The following ANKS1B variants were observed in gnomAD, a reference collection of about 807,000 sequenced individuals.
ANKS1B encodes the protein ankyrin repeat and sterile alpha motif domain-containing protein 1B.
ANKS1B carries 36 observed loss-of-function variants against 148.3 expected under a neutral mutation model. The observed-to-expected ratio is 0.24, with a 90% CI of 0.19 to 0.32. ANKS1B has a LOEUF of 0.32. Among genes scored for constraint, ANKS1B ranks in the 10% least tolerant of loss-of-function variants. ANKS1B has a pLI of 1.00. For synonymous variants in ANKS1B, 542 were observed against 560.8 expected (o/e 0.97, Z 0.47); for missense variants, 1,157 against 1,542.6 (o/e 0.75, Z 4.19).
intron 8 of ANKS1B, among the ~76,000 whole-genome samples, chr12:99,696,268 A>G (rs909560285): frequency 6.6e-6 from 1 of 152,204 alleles, no homozygotes; most frequent in Non-Finnish European, 1.5e-5. Context: ...GAGTCATTTT[A>G]TGGAGTCTAC....
At chr12:99,268,523 C>CCA (rs2076691595) in intron 12 of ANKS1B, among the ~76,000 whole-genome samples, 2 of 152,112 alleles carry the variant, frequency 1.3e-5, no homozygotes, top group African/African-American at 4.8e-5. Flanking sequence ...TCTATGAGGG[C>CCA]CACAACACAG....
chr12:98,907,285 T>C lies in ANKS1B; in HGVS notation c.2779-75149A>G, dbSNP rs577722981. On this transcript the variant is annotated intron_variant, in intron 17 of 26. Transcript: ENST00000683438. ...GGTTTAATTCTCTGCAGTCACAGTC[T>C]TGTAATTCCAAATAACTTTAACTTG... 5.3e-5 allele frequency among the ~76,000 whole-genome samples: 8 copies of C among 152,308 alleles called. No homozygotes were observed. The East Asian group carries it at 1.5e-3, about 29-fold the overall frequency.
chr12:99,173,753 T>C (rs1475878610), intron 14 of ANKS1B, among the ~76,000 whole-genome samples: 2 of 152,190 alleles, frequency 1.3e-5, no homozygotes, highest in Non-Finnish European at 1.5e-5. Context: ...TGGACAGTTA[T>C]ATTCACCACC....
intron 8 of ANKS1B, among the ~76,000 whole-genome samples, chr12:99,759,467 A>G (rs1268193466): frequency 2.6e-5 from 4 of 151,966 alleles, no homozygotes; most frequent in Non-Finnish European, 5.9e-5. Context: ...CAATTTCAGC[A>G]ATTTTTTCTG....
At chr12:99,532,711 T>A in intron 9 of ANKS1B, among the ~76,000 whole-genome samples, 1 of 152,198 alleles carries the variant, frequency 6.6e-6, no homozygotes, top group East Asian at 1.9e-4. Flanking sequence ...TGGTGAGAGA[T>A]AGGAATCCAG....
At chr12:99,762,666 C>T (rs1398144039) in intron 8 of ANKS1B, among the ~76,000 whole-genome samples, 2 of 151,770 alleles carry the variant, frequency 1.3e-5, no homozygotes, top group African/African-American at 2.4e-5. Context: ...GCAACAAAAA[C>T]AAAAATTGAC....
intron 15 of ANKS1B, among the ~76,000 whole-genome samples, chr12:99,124,501 G>A (rs755956639): frequency 2.0e-5 from 3 of 151,660 alleles, no homozygotes; most frequent in Non-Finnish European, 2.9e-5. Context: ...ACATCTAAGT[G>A]GATACTTTCA....
At chr12:98,894,066 T>C (rs2099758284) in intron 17 of ANKS1B, among the ~76,000 whole-genome samples, 1 of 152,172 alleles carries the variant, frequency 6.6e-6, no homozygotes, top group Admixed American at 6.5e-5. Context: ...GCTCCTGCTC[T>C]CCAAGGCTTA....
At chr12:99,826,823 G>A (rs895028053) in intron 1 of ANKS1B, among the ~76,000 whole-genome samples, 11 of 152,034 alleles carry the variant, frequency 7.2e-5, no homozygotes, top group Non-Finnish European at 1.5e-4. Flanking sequence ...GAAAATCAAA[G>A]TTGTATGCCA....
At chr12:99,639,930 G>T (rs1383094268) in intron 9 of ANKS1B, among the ~76,000 whole-genome samples, 2 of 152,144 alleles carry the variant, frequency 1.3e-5, no homozygotes, top group Non-Finnish European at 2.9e-5. Context: ...CCAGCACTTT[G>T]GTAGGCCAAG....
chr12:99,848,804 T>C (rs1335479030), intron 1 of ANKS1B, among the ~76,000 whole-genome samples: 1 of 150,958 alleles, frequency 6.6e-6, no homozygotes, highest in African/African-American at 2.5e-5. Flanking sequence ...GCAACGTCAA[T>C]GGTGGATTGC....
chr12:99,674,518 G>T (rs928299384), intron 8 of ANKS1B, among the ~76,000 whole-genome samples: 1 of 151,716 alleles, frequency 6.6e-6, no homozygotes, highest in Non-Finnish European at 1.5e-5. Context: ...CAGGACTTGT[G>T]CAAGAATAAT....
At chr12:99,723,913 G>T (rs542152133) in intron 8 of ANKS1B, among the ~76,000 whole-genome samples, 2 of 152,124 alleles carry the variant, frequency 1.3e-5, no homozygotes, top group East Asian at 3.9e-4. Context: ...CAGAAGAGGG[G>T]CCTGACCATT....
chr12:98,890,148 A>C (rs2099749304), intron 17 of ANKS1B, among the ~76,000 whole-genome samples: 1 of 152,136 alleles, frequency 6.6e-6, no homozygotes, highest in African/African-American at 2.4e-5. Flanking sequence ...AAATGGAGGG[A>C]GGGCCAGTTT....
chr12:99,254,274 A>G (rs185941319), intron 12 of ANKS1B, among the ~76,000 whole-genome samples: 3 of 152,354 alleles, frequency 2.0e-5, no homozygotes, highest in Non-Finnish European at 2.9e-5. Flanking sequence ...AGTAGTTATC[A>G]AAGTGTAGTC....
chr12:99,259,676 T>G (rs1173113125), intron 12 of ANKS1B, among the ~76,000 whole-genome samples: 1 of 152,224 alleles, frequency 6.6e-6, no homozygotes, highest in Non-Finnish European at 1.5e-5. Flanking sequence ...TATTGTATCT[T>G]TTTGGTAGAG....
chr12:99,109,413 G>C (rs1182190698), intron 15 of ANKS1B, among the ~76,000 whole-genome samples: 1 of 152,144 alleles, frequency 6.6e-6, no homozygotes, highest in Non-Finnish European at 1.5e-5. Flanking sequence ...GGCAGAACAG[G>C]ACATGGGCTT....
At chr12:99,771,548 T>C (rs1472319906) in intron 8 of ANKS1B, among the ~76,000 whole-genome samples, 1 of 152,072 alleles carries the variant, frequency 6.6e-6, no homozygotes, top group Non-Finnish European at 1.5e-5. Context: ...TGTAACTGAT[T>C]GGTAACCTGG....
intron 17 of ANKS1B, among the ~76,000 whole-genome samples, chr12:98,971,532 T>C (rs979977700): frequency 6.6e-6 from 1 of 152,224 alleles, no homozygotes; most frequent in Non-Finnish European, 1.5e-5. Context: ...AGTTTGGATA[T>C]ATACAGACTA....
Sources: allele counts gnomAD v4.1 joint callset (sites outside exome capture counted in the v4.1 genomes callset), GRCh38; gene constraint gnomAD v4.1.1; transcripts MANE v1.5; gene names NCBI Gene and HGNC (gene_info 2026-07-23, HGNC 2026-07-21).